The following MYRFL variants were observed in gnomAD, a reference collection of about 807,000 sequenced individuals.
MYRFL encodes myelin regulatory factor-like protein.
A neutral mutation model predicts 109.4 loss-of-function variants in MYRFL; 88 were observed. The ratio of observed to expected loss-of-function variants is 0.80; its 90% CI spans 0.68 to 0.96. MYRFL has a LOEUF of 0.96. Ranked by LOEUF, MYRFL falls within the 40% of genes least tolerant of loss-of-function variation. MYRFL has a pLI of 0.00. For missense variants in MYRFL, 957 were observed against 954.9 expected (o/e 1.00, Z -0.03); for synonymous variants, 324 against 320.9 (o/e 1.01, Z -0.10).
At chr12:69,948,341 TA>T (rs576993571) in intron 19 of MYRFL, among the ~76,000 whole-genome samples, 2 of 152,098 alleles carry the variant, frequency 1.3e-5, no homozygotes, top group Non-Finnish European at 2.9e-5. Context: ...TGCTGTTTTT[TA>T]AAAAAAACCT....
chr12:69,827,118 T>C (rs1229465900), intron 1 of MYRFL, among the ~76,000 whole-genome samples: 1 of 152,008 alleles, frequency 6.6e-6, no homozygotes, highest in Non-Finnish European at 1.5e-5. Flanking sequence ...ATGTTAACTG[T>C]TTCTAATCAA....
chr12:69,902,442 T>C (rs557916914), intron 10 of MYRFL, among the ~76,000 whole-genome samples: 19 of 152,292 alleles, frequency 1.2e-4, no homozygotes, highest in African/African-American at 4.6e-4. Context: ...CCACTGTTTC[T>C]CCATCTCCCA....
intron 16 of MYRFL, among the ~76,000 whole-genome samples, chr12:69,933,035 G>A (rs761704305): frequency 5.3e-5 from 8 of 152,130 alleles, no homozygotes; most frequent in Non-Finnish European, 7.4e-5. Context: ...CATATTTATG[G>A]TAACTCTTCT....
rs1592764386 is a variant in MYRFL at position 69,891,033 on chromosome 12, C to T, written c.770C>T (p.Ala257Val). 6.5e-7 allele frequency: 1 copy of T among 1,534,940 alleles called. No homozygotes were observed. Among genetic ancestry groups the T allele is most frequent in the Admixed American group, 2.0e-5 (1 of 50,862 alleles). ...KGFNFSPADE[A>V]FVCQKKNHFQ... ...TTTAATTTTTCACCAGCAGATGAAG[C>T]TTTTGTTTGCCAAAAGAAGAATCAT... The change falls in exon 7 of 25, where the codon GCT becomes GTT. Residue 257 changes from alanine (A) to valine (V), a missense_variant. By Grantham distance (64) the Ala-to-Val change is moderately conservative. Coordinates refer to ENST00000552032, the MANE Select transcript of MYRFL (RefSeq NM_182530.3).
intron 13 of MYRFL, among the ~76,000 whole-genome samples, chr12:69,915,744 C>A (rs1306603497): frequency 6.6e-6 from 1 of 152,084 alleles, no homozygotes; most frequent in Non-Finnish European, 1.5e-5. Flanking sequence ...GCAAGGGGAC[C>A]TGTAGGCTGT....
intron 1 of MYRFL, among the ~76,000 whole-genome samples, chr12:69,849,917 G>A (rs1213378305): frequency 1.3e-5 from 2 of 152,254 alleles, no homozygotes; most frequent in East Asian, 3.9e-4. Context: ...AGGATATGTG[G>A]GTGGATGGAT....
intron 19 of MYRFL, among the ~76,000 whole-genome samples, chr12:69,940,694 A>C (rs1423629827): frequency 6.6e-6 from 1 of 151,002 alleles, no homozygotes; most frequent in East Asian, 2.0e-4. Flanking sequence ...TATTAACTTT[A>C]AATGTAAATG....
chr12:69,891,640 T>TC (rs1886869908), intron 7 of MYRFL, among the ~76,000 whole-genome samples: 11 of 81,758 alleles, frequency 1.3e-4, no homozygotes, highest in African/African-American at 2.3e-4. Flanking sequence ...CCTTTCTTTT[T>TC]CTTTCTTTCT....
intron 13 of MYRFL, among the ~76,000 whole-genome samples, chr12:69,914,166 G>T (rs1025445570): frequency 5.3e-5 from 8 of 151,846 alleles, no homozygotes; most frequent in Non-Finnish European, 7.4e-5. Context: ...ACTTTGCTGA[G>T]AAATTTATTT....
At chr12:69,905,450 C>G (rs1954323933) in intron 11 of MYRFL, among the ~76,000 whole-genome samples, 1 of 152,156 alleles carries the variant, frequency 6.6e-6, no homozygotes, top group Non-Finnish European at 1.5e-5. Flanking sequence ...TTCTGTATCC[C>G]CTTCCTGCTC....
chr12:69,910,222 C>A, intron 12 of MYRFL, 145 bp downstream of exon 12: 2 of 622,366 alleles, frequency 3.2e-6, no homozygotes, highest in Non-Finnish European at 5.3e-6. Context: ...GTCACTAGAA[C>A]AGGAAAGGTT....
chr12:69,883,291 A>G (rs902631029), intron 5 of MYRFL, among the ~76,000 whole-genome samples: 1 of 152,204 alleles, frequency 6.6e-6, no homozygotes, highest in Non-Finnish European at 1.5e-5. Flanking sequence ...TCCTTTTGGC[A>G]GTATCTACTA....
At position 69,909,300 on chromosome 12, in the gene MYRFL, G is replaced by T. The variant is rs887069921; in HGVS notation, c.1384-669G>T. On this transcript the variant is annotated intron_variant, in intron 11 of 24. Coordinates refer to ENST00000552032, the MANE Select transcript of MYRFL (RefSeq NM_182530.3). ...GAGAATCCTAAACGATGGTGGAGGG[G>T]CTCTACTGCCACCTCAGGGAGTCTG... 7.2e-5 allele frequency among the ~76,000 whole-genome samples: 11 copies of T among 152,278 alleles called. No homozygotes were observed. In the East Asian group the frequency reaches 2.1e-3, roughly 29 times the overall value.
At position 69,879,078 on chromosome 12, in the gene MYRFL, C is replaced by T; in HGVS notation, c.188C>T (p.Ser63Phe). 1 of 703,028 alleles carries T rather than the reference C, an allele frequency of 1.4e-6. No homozygotes were observed. Among genetic ancestry groups the T allele is most frequent in the Non-Finnish European group, 2.6e-6 (1 of 384,854 alleles). 43.5% of individuals were successfully genotyped at this position (703,028 alleles called of 1,614,324 possible). A position where few individuals can be genotyped will look rare whatever the true frequency, so the allele number is the denominator to read the frequency against. The part of the protein sequence containing the change: ...TPPYSASDSC[S>F]PPQVKGACYP... ...CCCTATTCTGCATCCGACTCATGCT[C>T]TCCTCCGCAGGTCAAAGGTGAGTGC... Residue 63 changes from serine (S) to phenylalanine (F), a missense_variant, in exon 3 of 25, where the codon TCT (serine) becomes TTT (phenylalanine). Ser to Phe is a radical substitution (Grantham distance 155, BLOSUM62 -2). Transcript: ENST00000552032.
At chr12:69,844,942 A>G (rs1288475898) in intron 1 of MYRFL, among the ~76,000 whole-genome samples, 1 of 152,076 alleles carries the variant, frequency 6.6e-6, no homozygotes, top group Non-Finnish European at 1.5e-5. Context: ...GTCACTCTCC[A>G]AAGGCTTCCT....
intron 6 of MYRFL, among the ~76,000 whole-genome samples, chr12:69,887,728 A>AC (rs1886546768): frequency 6.6e-6 from 1 of 152,212 alleles, no homozygotes; most frequent in Non-Finnish European, 1.5e-5. Context: ...TAGGACTTTC[A>AC]TGGTGGATGT....
At position 69,954,611 on chromosome 12, in the gene MYRFL, G is replaced by A. The variant is rs74529067; in HGVS notation, c.2376-752G>A. Among the ~76,000 whole-genome samples, 1,153 of 152,222 alleles carry A rather than the reference G, an allele frequency of 7.6e-3. 8 individuals carry two copies. The highest frequency in any genetic ancestry group is 0.011 in the Non-Finnish European group (764 of 67,996). ...TGCTTTTTACCTTTTTAGCAACTTA[G>A]TTTAGCATTACTTAAAAATAAAATA... is the stretch of plus-strand genomic sequence containing the variant. On this transcript the variant is annotated intron_variant, in intron 21 of 24. Transcript: ENST00000552032.
At chr12:69,950,266 A>G (rs2120541182) in intron 19 of MYRFL, among the ~76,000 whole-genome samples, 1 of 152,236 alleles carries the variant, frequency 6.6e-6, no homozygotes, top group South Asian at 2.1e-4. Context: ...CCTATTCTCT[A>G]TTTTAACAGG....
At chr12:69,887,351 T>C (rs1886520463) in intron 6 of MYRFL, among the ~76,000 whole-genome samples, 1 of 152,156 alleles carries the variant, frequency 6.6e-6, no homozygotes, top group Non-Finnish European at 1.5e-5. Context: ...CCACATTAAA[T>C]TGTGAGCCAA....
Sources: gnomAD v4.1 joint callset for allele counts (sites outside exome capture counted in the v4.1 genomes callset) on GRCh38, gnomAD v4.1.1 for gene constraint, MANE v1.5 for transcripts, NCBI Gene and HGNC (gene_info 2026-07-23, HGNC 2026-07-21) for gene names.